Variants in PVT1 observed in about 807,000 individuals in gnomAD.
PVT1 encodes the protein CXCR4/PVT1 fusion.
At chr8:127,939,582 T>G (rs1816323524) in intron 3 of PVT1, 2 of 152,186 alleles carry the variant, frequency 1.3e-5, no homozygotes, top group South Asian at 2.1e-4. Context: ...TGATGGTACT[T>G]TAAGTGGAGG....
At chr8:127,832,083 G>A (rs370638274) in intron 2 of PVT1, among the ~76,000 whole-genome samples, 1 of 151,998 alleles carries the variant, frequency 6.6e-6, no homozygotes, top group African/African-American at 2.4e-5. Flanking sequence ...ACTTAAAAAC[G>A]TCAAGTGTTT....
intron 3 of PVT1, among the ~76,000 whole-genome samples, chr8:127,980,729 T>G (rs1816873275): frequency 6.6e-6 from 1 of 152,060 alleles, no homozygotes; most frequent in African/African-American, 2.4e-5. Flanking sequence ...GGAGGAACCA[T>G]TCTTTTGAGC....
chr8:127,859,701 C>A (rs1461627736), intron 2 of PVT1, among the ~76,000 whole-genome samples: 1 of 152,024 alleles, frequency 6.6e-6, no homozygotes, highest in Non-Finnish European at 1.5e-5. Flanking sequence ...GAAATCTGTG[C>A]AGGAGTCAGA....
chr8:127,943,470 CAG>C (rs1816377574), intron 3 of PVT1, among the ~76,000 whole-genome samples: 1 of 152,178 alleles, frequency 6.6e-6, no homozygotes, highest in Non-Finnish European at 1.5e-5. Context: ...GGGTCTACAG[CAG>C]AGTTTCTCAG....
intron 3 of PVT1, among the ~76,000 whole-genome samples, chr8:127,893,494 G>A (rs1235578632): frequency 6.6e-6 from 1 of 152,118 alleles, no homozygotes; most frequent in Non-Finnish European, 1.5e-5. Flanking sequence ...TGATCTGCCT[G>A]CCTCGGCCTC....
At chr8:127,852,954 A>G (rs1402669423) in intron 2 of PVT1, among the ~76,000 whole-genome samples, 2 of 152,180 alleles carry the variant, frequency 1.3e-5, no homozygotes, top group Admixed American at 6.5e-5. Flanking sequence ...GCTGAGTGTG[A>G]CTTTGGCTGG....
chr8:128,014,370 T>C (rs1275065684), intron 4 of PVT1, among the ~76,000 whole-genome samples: 2 of 152,344 alleles, frequency 1.3e-5, no homozygotes, highest in Middle Eastern at 3.4e-3. Context: ...CGCTCCCTCA[T>C]TGGAGCTGCT....
intron 3 of PVT1, among the ~76,000 whole-genome samples, chr8:127,984,837 TTTTCTTTCTTTCTTTCTTTC>T (rs71300287): frequency 0.047 from 3,826 of 80,932 alleles, 180 homozygotes; most frequent in Non-Finnish European, 0.057. Context: ...CTTTCTTTTC[TTTTCTTTCTTTCTTTCTTTC>T]TTTCTTTCTT....
intron 4 of PVT1, among the ~76,000 whole-genome samples, chr8:128,028,367 A>G (rs1385090741): frequency 2.6e-5 from 4 of 152,144 alleles, no homozygotes. Flanking sequence ...GGCTGTTCCC[A>G]CAGCCCAGAG....
At chr8:127,933,686 C>G (rs941834483) in intron 3 of PVT1, among the ~76,000 whole-genome samples, 5 of 152,110 alleles carry the variant, frequency 3.3e-5, no homozygotes, top group African/African-American at 1.2e-4. Context: ...TGTGGTCACC[C>G]AGAGGCCAAG....
At chr8:127,916,575 T>C (rs1230311815) in intron 3 of PVT1, among the ~76,000 whole-genome samples, 3 of 152,244 alleles carry the variant, frequency 2.0e-5, no homozygotes, top group African/African-American at 7.2e-5. Context: ...AAGCAGGAGA[T>C]AGATGATTTC....
At chr8:127,860,784 A>AAAG (rs777898921) in intron 2 of PVT1, among the ~76,000 whole-genome samples, 11 of 143,432 alleles carry the variant, frequency 7.7e-5, no homozygotes, top group Admixed American at 7.0e-5. Flanking sequence ...AAAAAAAAAA[A>AAAG]GGAGAAGACA....
chr8:127,947,712 G>A (rs1276737033), intron 3 of PVT1: 2 of 456,442 alleles, frequency 4.4e-6, no homozygotes, highest in Non-Finnish European at 8.8e-6. Flanking sequence ...CCCACCAGAG[G>A]CTGGGTCTGT....
chr8:127,819,684 G>T (rs1481905440), intron 2 of PVT1, among the ~76,000 whole-genome samples: 2 of 152,162 alleles, frequency 1.3e-5, no homozygotes, highest in Non-Finnish European at 2.9e-5. Flanking sequence ...GCCCTCGGGA[G>T]CTCACAGCAG....
chr8:127,894,310 G>A (rs1815647016), intron 3 of PVT1, among the ~76,000 whole-genome samples: 1 of 152,126 alleles, frequency 6.6e-6, no homozygotes, highest in African/African-American at 2.4e-5. Context: ...GGGGTTCTTC[G>A]GTGAACAGCC....
intron 4 of PVT1, among the ~76,000 whole-genome samples, chr8:128,032,988 G>A (rs989116265): frequency 6.6e-6 from 1 of 152,212 alleles, no homozygotes; most frequent in African/African-American, 2.4e-5. Context: ...TGGAGGGTGA[G>A]GGTGCAGGTA....
At chr8:127,997,878 G>A (rs553328471) in intron 4 of PVT1, among the ~76,000 whole-genome samples, 2 of 152,300 alleles carry the variant, frequency 1.3e-5, no homozygotes, top group Admixed American at 6.5e-5. Flanking sequence ...GGGCTGTGCC[G>A]CTTTCTCAGA....
chr8:127,904,801 C>T (rs1815800357), intron 3 of PVT1, among the ~76,000 whole-genome samples: 1 of 152,168 alleles, frequency 6.6e-6, no homozygotes, highest in Non-Finnish European at 1.5e-5. Context: ...ATATGTGGGG[C>T]TCAGTGCAAA....
rs545566004 is a variant in PVT1, at chr8:128,087,585, C to T, written n.1115-8933C>T. ...TGGCCTTGAAAAGCTCAAGCAAACT[C>T]TTAAGCATAACTAAGGGCCCACATC... On this transcript the variant is annotated intron_variant and non_coding_transcript_variant, in intron 5 of 10. Coordinates refer to ENST00000651587, the Ensembl canonical transcript of PVT1. Among the ~76,000 whole-genome samples the T allele has an allele frequency of 2.6e-5, 4 of 152,254 alleles. No individual in the cohort carries two copies. The East Asian group carries it at 7.7e-4, about 29-fold the overall frequency.
Sources: gnomAD v4.1 joint callset for allele counts (sites outside exome capture counted in the v4.1 genomes callset) on GRCh38, gnomAD v4.1.1 for gene constraint, MANE v1.5 for transcripts, NCBI Gene and HGNC (gene_info 2026-07-23, HGNC 2026-07-21) for gene names.